The following PRKG1 variants were observed in gnomAD, a reference collection of about 807,000 sequenced individuals.
PRKG1 encodes the protein cGMP-dependent protein kinase 1.
In PRKG1, 35 loss-of-function variants were observed where a neutral mutation model predicts 88.1. That is an observed-to-expected ratio of 0.40 (90% confidence interval 0.30 to 0.53). The LOEUF is 0.53. Ranked by LOEUF, PRKG1 falls within the 20% of genes least tolerant of loss-of-function variation. The probability of loss-of-function intolerance (pLI) is 0.59; values close to 1 mark genes in which losing one functional copy is unlikely to be tolerated. For missense variants in PRKG1, 540 were observed against 839.8 expected, an observed-to-expected ratio of 0.64 and a Z score of 4.41; for synonymous variants, 303 against 292.5, an observed-to-expected ratio of 1.04 and a Z score of -0.37.
At chr10:52,133,307 A>G (rs1837315268) in intron 7 of PRKG1, among the ~76,000 whole-genome samples, 1 of 152,130 alleles carries the variant, frequency 6.6e-6, no homozygotes, top group South Asian at 2.1e-4. Context: ...ATGCTCTTGA[A>G]GAACCATAAC....
intron 2 of PRKG1, among the ~76,000 whole-genome samples, chr10:51,446,537 A>G (rs1839276896): frequency 6.6e-6 from 1 of 152,042 alleles, no homozygotes; most frequent in Non-Finnish European, 1.5e-5. Flanking sequence ...TCCACAAAGC[A>G]TTTTAAGGTT....
intron 1 of PRKG1, among the ~76,000 whole-genome samples, chr10:51,078,333 C>T (rs1176006176): frequency 1.3e-5 from 2 of 151,188 alleles, no homozygotes; most frequent in Admixed American, 1.3e-4. Flanking sequence ...ACTCTCCCAT[C>T]GCAGCCTCCT....
At chr10:51,250,524 G>C (rs537056670) in intron 2 of PRKG1, among the ~76,000 whole-genome samples, 109 of 151,884 alleles carry the variant, frequency 7.2e-4, no homozygotes, top group African/African-American at 2.4e-3. Context: ...TTTTCTCTCT[G>C]AATGTGTTGT....
At chr10:51,049,376 T>C (rs973109603) in intron 1 of PRKG1, among the ~76,000 whole-genome samples, 2 of 152,238 alleles carry the variant, frequency 1.3e-5, no homozygotes, top group African/African-American at 4.8e-5. Context: ...TTGTAATTCA[T>C]GTATTTTTTC....
intron 1 of PRKG1, chr10:51,148,249 A>C (rs1407168976): frequency 5.8e-5 from 57 of 985,236 alleles, no homozygotes; most frequent in Non-Finnish European, 6.7e-5. Flanking sequence ...TGGATAGACA[A>C]TACTGTAGGC....
At chr10:51,780,990 T>C (rs1363285163) in intron 3 of PRKG1, among the ~76,000 whole-genome samples, 2 of 152,126 alleles carry the variant, frequency 1.3e-5, no homozygotes, top group Non-Finnish European at 2.9e-5. Context: ...TTCTGGAATT[T>C]TTTGAAGTCA....
chr10:51,498,795 C>T (rs532309368), intron 3 of PRKG1, among the ~76,000 whole-genome samples: 2 of 152,266 alleles, frequency 1.3e-5, no homozygotes, highest in South Asian at 4.1e-4. Flanking sequence ...TCTCTGAATA[C>T]TCTTCTTCTG....
chr10:51,848,007 C>A (rs548932676), intron 4 of PRKG1, among the ~76,000 whole-genome samples: 2 of 151,778 alleles, frequency 1.3e-5, no homozygotes, highest in Non-Finnish European at 2.9e-5. Context: ...CCTACCTCTG[C>A]GTCCCTCTAA....
chr10:51,412,505 G>A (rs991295302), intron 2 of PRKG1, among the ~76,000 whole-genome samples: 11 of 152,082 alleles, frequency 7.2e-5, no homozygotes, highest in African/African-American at 1.9e-4. Flanking sequence ...TTAGCCAAGC[G>A]TGGTGGTGCA....
intron 5 of PRKG1, among the ~76,000 whole-genome samples, chr10:51,932,952 A>T (rs909009675): frequency 1.3e-5 from 2 of 152,172 alleles, no homozygotes; most frequent in African/African-American, 4.8e-5. Context: ...AACTGTTGAC[A>T]TTCTTGTCAG....
intron 2 of PRKG1, among the ~76,000 whole-genome samples, chr10:51,202,036 G>T (rs1314759581): frequency 2.6e-5 from 4 of 152,194 alleles, no homozygotes; most frequent in African/African-American, 7.2e-5. Context: ...TATTAGAGGT[G>T]TTATGAGGGA....
intron 10 of PRKG1, among the ~76,000 whole-genome samples, chr10:52,258,683 T>C (rs1044467320): frequency 6.6e-6 from 1 of 152,096 alleles, no homozygotes; most frequent in Non-Finnish European, 1.5e-5. Context: ...GATATAAAAA[T>C]ATCTGACATG....
chr10:51,256,190 C>G (rs1476919175), intron 2 of PRKG1, among the ~76,000 whole-genome samples: 1 of 152,108 alleles, frequency 6.6e-6, no homozygotes, highest in East Asian at 1.9e-4. Context: ...TCCCAAGAGC[C>G]CCCACAGACC....
rs142752729 is a variant in PRKG1, at chr10:51,672,528, C to A, written c.593-132057C>A. The stretch of plus-strand genomic sequence containing the variant: ...TTTCTTGTTTTATTTTTATAAACAT[C>A]ATAAACATTGCTATTTTATAGTCTG... On this transcript the variant is annotated intron_variant, in intron 3 of 17. Coordinates refer to ENST00000373980, the MANE Select transcript of PRKG1 (RefSeq NM_006258.4). Among the ~76,000 whole-genome samples the A allele has an allele frequency of 7.9e-5, 12 of 151,844 alleles. No homozygotes were observed. In the East Asian group the frequency reaches 2.1e-3, roughly 27 times the overall value.
intron 1 of PRKG1, among the ~76,000 whole-genome samples, chr10:51,091,754 T>TA (rs754767464): frequency 8.5e-5 from 13 of 152,146 alleles, no homozygotes; most frequent in Admixed American, 1.3e-4. Context: ...ATAGAATACT[T>TA]ACGGTGTGCA....
At chr10:51,680,812 G>A (rs1589191568) in intron 3 of PRKG1, among the ~76,000 whole-genome samples, 2 of 152,340 alleles carry the variant, frequency 1.3e-5, no homozygotes, top group South Asian at 4.1e-4. Flanking sequence ...ACAAAAATCA[G>A]TGGGAGCAGG....
At chr10:52,201,070 T>TAAAGA (rs1839653531) in intron 9 of PRKG1, among the ~76,000 whole-genome samples, 1 of 152,326 alleles carries the variant, frequency 6.6e-6, no homozygotes. Context: ...ACGTCCCATT[T>TAAAGA]GCCAGCTTTT....
Position 51,386,005 on chromosome 10 carries a change from T to TTTAAA in PRKG1, c.479-81715_479-81714insAATTA, listed in dbSNP as rs570450070. On this transcript the variant is annotated intron_variant, in intron 2 of 17. Transcript: ENST00000373980. ...AATCATGAGTTAAATTTCTCATTGG[T>TTTAAA]TTAGAGTGTAAAAATGTATTCTTAC... Among the ~76,000 whole-genome samples the TTTAAA allele has an allele frequency of 2.4e-3, 358 of 152,284 alleles. 2 individuals are homozygous for TTTAAA. Among genetic ancestry groups the TTTAAA allele is most frequent in the African/African-American group, 8.0e-3 (333 of 41,566 alleles).
chr10:51,481,499 C>T (rs10997757), intron 3 of PRKG1, among the ~76,000 whole-genome samples: 79,908 of 151,956 alleles, frequency 0.53, 22,402 homozygotes, highest in East Asian at 0.9. Context: ...TCCGCCCTCC[C>T]TGGCCTCCCA....
Sources: allele counts gnomAD v4.1 joint callset (sites outside exome capture counted in the v4.1 genomes callset), GRCh38; gene constraint gnomAD v4.1.1; transcripts MANE v1.5; gene names NCBI Gene and HGNC (gene_info 2026-07-23, HGNC 2026-07-21).